Variants in GOLGB1 observed in about 807,000 individuals in gnomAD.
The protein encoded by GOLGB1 is golgin B1.
A neutral mutation model predicts 336.9 loss-of-function variants in GOLGB1; 174 were observed. That is an observed-to-expected ratio of 0.52 (90% CI 0.46 to 0.59). The LOEUF (loss-of-function observed/expected upper bound fraction) is 0.59, where lower values mean the gene tolerates loss of function less well. Among genes scored for constraint, GOLGB1 ranks in the 20% least tolerant of loss-of-function variants. The pLI, the probability that GOLGB1 is intolerant of heterozygous loss-of-function variation, is 0.00. For synonymous variants in GOLGB1, 1,208 were observed against 1,289.2 expected (o/e 0.94, Z 1.35); for missense variants, 3,331 against 3,645.3 (o/e 0.91, Z 2.22).
At chr3:121,744,102 G>A (rs1947076041) in intron 1 of GOLGB1, among the ~76,000 whole-genome samples, 1 of 151,928 alleles carries the variant, frequency 6.6e-6, no homozygotes, top group African/African-American at 2.4e-5. Flanking sequence ...TAGCAAATGA[G>A]GAACACATAC....
Position 121,691,644 on chromosome 3 carries a change from A to T in GOLGB1, c.7720T>A (p.Tyr2574Asn). ...TTCAGCTTTTCTTCTAATTTAGCAT[A>T]TTTATTTTCCAGCTCCTTATTTTGC... ...LQQNKELENKYAKLEEKLKES... is the reference protein window; with the variant it reads ...LQQNKELENKNAKLEEKLKES... Residue 2574 changes from tyrosine to asparagine, a missense_variant, in exon 14 of 22, where the codon TAT becomes AAT. Physicochemically the swap from Tyr to Asn is moderately radical, Grantham distance 143. Transcript: ENST00000614479. The T allele has an allele frequency of 6.2e-7, 1 of 1,612,968 alleles. No individual in the cohort carries two copies.
chr3:121,664,976 T>C lies in GOLGB1; in HGVS notation c.9610A>G (p.Thr3204Ala). 2 of 1,611,382 alleles carry C rather than the reference T, an allele frequency of 1.2e-6. No individual in the cohort carries two copies. Among genetic ancestry groups the C allele is most frequent in the Non-Finnish European group, 1.7e-6 (2 of 1,177,464 alleles). ...TCTATTAACAGTGCCTGCTCCTGAGTGCCACAGGAGCCAATGATAGGAGTC... is the reference window on the plus strand; with the variant it reads ...TCTATTAACAGTGCCTGCTCCTGAGCGCCACAGGAGCCAATGATAGGAGTC... ...SRTPIIGSCGTQEQALLIDLT... is the reference protein window; with the variant it reads ...SRTPIIGSCGAQEQALLIDLT... The change falls in exon 21 of 22, where the codon ACT becomes GCT. Residue 3204 changes from threonine (T) to alanine (A), a missense_variant. Physicochemically the swap from Thr to Ala is moderately conservative, Grantham distance 58 (BLOSUM62 0). Transcript: ENST00000614479.
intron 4 of GOLGB1, among the ~76,000 whole-genome samples, chr3:121,728,915 T>C (rs1006807314): frequency 6.6e-6 from 1 of 152,222 alleles, no homozygotes; most frequent in African/African-American, 2.4e-5. Flanking sequence ...AATGCCTCAC[T>C]TCAGTACTTA....
intron 17 of GOLGB1, among the ~76,000 whole-genome samples, chr3:121,673,225 C>A (rs766549372): frequency 6.6e-6 from 1 of 152,052 alleles, no homozygotes; most frequent in Non-Finnish European, 1.5e-5. Flanking sequence ...CCCGCCATCA[C>A]GCCCAGCTAA....
chr3:121,727,308 ATATATATATATATTTTT>A (rs1945717800), intron 4 of GOLGB1, among the ~76,000 whole-genome samples: 2 of 30,982 alleles, frequency 6.5e-5, no homozygotes, highest in African/African-American at 1.6e-4. Context: ...ATATATATAT[ATATATATATATATTTTT>A]TTTTTTTTTT....
chr3:121,702,630 C>A, intron 10 of GOLGB1, 35 bp from the exon 11 acceptor site: 1 of 1,090,956 alleles, frequency 9.2e-7, no homozygotes, highest in Non-Finnish European at 1.3e-6. Context: ...TAATGATTCT[C>A]CAGCAGAAAA....
Position 121,664,500 on chromosome 3 carries a change from A to G in GOLGB1, c.9775T>C (p.Cys3259Arg). ...FLMIHVLLILCFTGHL is the reference protein window; with the variant it reads ...FLMIHVLLILRFTGHL The stretch of plus-strand genomic sequence containing the variant: ...TAAGTCTATAGATGGCCCGTAAAAC[A>G]CAGAATGAGCAGGACATGAATCATT... The change falls in exon 22 of 22, where the codon TGT becomes CGT. Residue 3259 changes from cysteine to arginine, a missense_variant. Transcript: ENST00000614479. 1.2e-6 allele frequency: 2 copies of G among 1,614,030 alleles called. No individual in the cohort carries two copies. Among genetic ancestry groups the G allele is most frequent in the Admixed American group, 3.3e-5 (2 of 60,032 alleles).
chr3:121,690,319 T>G (rs564495563), intron 14 of GOLGB1, among the ~76,000 whole-genome samples: 2 of 152,340 alleles, frequency 1.3e-5, no homozygotes, highest in African/African-American at 2.4e-5. Flanking sequence ...AAGTGATCCT[T>G]TTACTTTCTT....
intron 15 of GOLGB1, among the ~76,000 whole-genome samples, chr3:121,680,368 T>C (rs962557356): frequency 7.2e-5 from 11 of 152,184 alleles, no homozygotes; most frequent in Admixed American, 7.2e-4. Flanking sequence ...AATCAACAGT[T>C]TATAACACTG....
intron 11 of GOLGB1, among the ~76,000 whole-genome samples, chr3:121,700,222 A>G (rs945464721): frequency 6.6e-6 from 1 of 152,106 alleles, no homozygotes; most frequent in African/African-American, 2.4e-5. Context: ...TTTATCCATA[A>G]TCCTACTATG....
Position 121,697,832 on chromosome 3 carries a change from G to A in GOLGB1, c.2691C>T (p.Leu897=). The A allele has an allele frequency of 6.2e-7, 1 of 1,614,050 alleles. No individual in the cohort carries two copies. The highest frequency in any genetic ancestry group is 8.5e-7 in the Non-Finnish European group (1 of 1,179,948). Residue 897 remains leucine (L), a synonymous_variant, in exon 13 of 22, where the codon CTC becomes CTT. Coordinates refer to ENST00000614479, the MANE Select transcript of GOLGB1 (RefSeq NM_001366282.2). ...GATCCTTCTCCTCGATGGTTTGTTGGAGGGTTTCCACATCTCTCTTTTTCT... is the reference window on the plus strand; with the variant it reads ...GATCCTTCTCCTCGATGGTTTGTTGAAGGGTTTCCACATCTCTCTTTTTCT... ...LLEKKRDVET[L]QQTIEEKDQQ... is the part of the protein sequence containing the mutation.
intron 7 of GOLGB1, 46 bp downstream of exon 7, chr3:121,719,600 A>C (rs1443745083): frequency 2.0e-6 from 3 of 1,535,888 alleles, no homozygotes; most frequent in Non-Finnish European, 8.8e-7. Flanking sequence ...GATGGATTAA[A>C]TATTAACCAA....
intron 7 of GOLGB1, among the ~76,000 whole-genome samples, chr3:121,718,909 C>T (rs892158935): frequency 2.0e-5 from 3 of 152,114 alleles, no homozygotes; most frequent in African/African-American, 7.2e-5. Context: ...ATGCACTGGG[C>T]AGGCACTTGA....
rs1483369158 is a variant in GOLGB1, at chr3:121,749,712, C to G, written c.-83G>C. On this transcript the variant is annotated 5_prime_UTR_variant, in exon 1 of 22. Transcript: ENST00000614479. ...CAGCTCGGGAAGCCCGTACGCGACA[C>G]CTTCCACCGCCGCGCCCCGCCAGGG... 1 of 152,700 alleles carries G rather than the reference C, an allele frequency of 6.5e-6. No individual in the cohort carries two copies. Among genetic ancestry groups the G allele is most frequent in the African/African-American group, 2.4e-5 (1 of 41,472 alleles). The allele number at this position is 152,700 out of a possible 1,614,324, so 9.5% of individuals were successfully genotyped here.
At position 121,691,997 on chromosome 3, in the gene GOLGB1, T is replaced by G. The variant is rs751019606; in HGVS notation, c.7367A>C (p.Glu2456Ala). 5 of 1,613,682 alleles carry G rather than the reference T, an allele frequency of 3.1e-6. No individual in the cohort carries two copies. The highest frequency in any genetic ancestry group is 4.5e-5 in the East Asian group (2 of 44,900). The change falls in exon 14 of 22, where the codon GAA (glutamate) becomes GCA (alanine). Residue 2456 changes from glutamate to alanine, a missense_variant. Physicochemically the swap from Glu to Ala is moderately radical, Grantham distance 107. Transcript: ENST00000614479. ...CAACTGTGCCTTTTGCTGAATGTTTTCCTTTTTGATGGTTTTCAGTGTTTC... is the reference window on the plus strand; with the variant it reads ...CAACTGTGCCTTTTGCTGAATGTTTGCCTTTTTGATGGTTTTCAGTGTTTC... Reference protein sequence around the residue: ...LMETLKTIKKENIQQKAQLDS... With the variant: ...LMETLKTIKKANIQQKAQLDS...
chr3:121,718,305 T>C, intron 8 of GOLGB1, 83 bp downstream of exon 8: 1 of 796,204 alleles, frequency 1.3e-6, no homozygotes, highest in East Asian at 2.5e-5. Context: ...AGACTTTAAA[T>C]AGGCTTTTAT....
chr3:121,725,555 G>C (rs548031797), intron 5 of GOLGB1, among the ~76,000 whole-genome samples: 17 of 152,102 alleles, frequency 1.1e-4, no homozygotes, highest in Non-Finnish European at 1.8e-4. Flanking sequence ...ATTGGTGCAG[G>C]AATGAGCTAA....
chr3:121,693,278 G>A (rs1942626911), intron 13 of GOLGB1, among the ~76,000 whole-genome samples: 1 of 152,166 alleles, frequency 6.6e-6, no homozygotes, highest in Non-Finnish European at 1.5e-5. Flanking sequence ...CCTGAGGTCA[G>A]GAGTTCGAGA....
At position 121,696,706 on chromosome 3, in the gene GOLGB1, A is replaced by G; in HGVS notation, c.3817T>C (p.Phe1273Leu). 6.2e-7 allele frequency: 1 copy of G among 1,614,124 alleles called. No individual in the cohort carries two copies. Among genetic ancestry groups the G allele is most frequent in the Non-Finnish European group, 8.5e-7 (1 of 1,179,976 alleles). ...GTGTGATGCTGTTCTGTGGCTTTGA[A>G]TAAAGGTTCTTCTAAACCTGGAGTG... Reference protein sequence around the residue: ...SSTPGLEEPLFKATEQHHTQP... With the variant: ...SSTPGLEEPLLKATEQHHTQP... The change falls in exon 13 of 22, where the codon TTC (phenylalanine) becomes CTC (leucine). Residue 1273 changes from phenylalanine to leucine, a missense_variant. Transcript: ENST00000614479.
Sources: allele counts gnomAD v4.1 joint callset (sites outside exome capture counted in the v4.1 genomes callset), GRCh38; gene constraint gnomAD v4.1.1; transcripts MANE v1.5; gene names NCBI Gene and HGNC (gene_info 2026-07-23, HGNC 2026-07-21).